The following TBXAS1 variants were observed in gnomAD, a reference collection of about 807,000 sequenced individuals.
TBXAS1 encodes the protein thromboxane A synthase 1, also known as thromboxane-A synthase.
In TBXAS1, 48 loss-of-function variants were observed where a neutral mutation model predicts 60.7. The ratio of observed to expected loss-of-function variants is 0.79; its 90% confidence interval spans 0.63 to 1.01. The LOEUF (loss-of-function observed/expected upper bound fraction) is 1.01, where lower values mean the gene tolerates loss of function less well. TBXAS1 is among the 50% of genes least tolerant of loss of function. The probability of loss-of-function intolerance (pLI) is 0.00; values close to 1 mark genes in which losing one functional copy is unlikely to be tolerated. For missense variants in TBXAS1, 685 were observed against 686.3 expected, an observed-to-expected ratio of 1.00 and a Z score of 0.02; for synonymous variants, 287 against 269.7, an observed-to-expected ratio of 1.06 and a Z score of -0.63.
At chr7:139,905,583 C>T (rs191329351) in intron 3 of TBXAS1, among the ~76,000 whole-genome samples, 38 of 152,196 alleles carry the variant, frequency 2.5e-4, no homozygotes, top group African/African-American at 7.7e-4. Context: ...TTTTCTTTTT[C>T]GGTTGCATCC....
intron 10 of TBXAS1, among the ~76,000 whole-genome samples, 159 bp downstream of exon 10, chr7:140,007,341 T>C (rs1466854357): frequency 1.3e-5 from 2 of 152,112 alleles, no homozygotes; most frequent in Non-Finnish European, 1.5e-5. Flanking sequence ...GCACCTCAGA[T>C]ATCTGGCCCG....
intron 9 of TBXAS1, among the ~76,000 whole-genome samples, chr7:139,966,176 C>G (rs992319249): frequency 6.6e-6 from 1 of 152,142 alleles, no homozygotes; most frequent in Non-Finnish European, 1.5e-5. Flanking sequence ...CATTAGATGG[C>G]CTTCCCTTGT....
At chr7:139,882,953 T>A (rs1203191392) in intron 3 of TBXAS1, among the ~76,000 whole-genome samples, 1 of 152,212 alleles carries the variant, frequency 6.6e-6, no homozygotes, top group Non-Finnish European at 1.5e-5. Context: ...TAAGAGCACC[T>A]TTTTTAAATG....
intron 2 of TBXAS1, 107 bp from the exon 3 acceptor site, chr7:139,875,478 T>G (rs531230216): frequency 3.3e-6 from 3 of 921,688 alleles, no homozygotes; most frequent in East Asian, 4.9e-5. Flanking sequence ...TCTTTTTTAT[T>G]GTTTCTGTAA....
intron 10 of TBXAS1, among the ~76,000 whole-genome samples, chr7:140,011,270 C>T (rs930781106): frequency 9.9e-6 from 1 of 101,378 alleles, no homozygotes; most frequent in African/African-American, 3.9e-5. Context: ...GAGCGAGACT[C>T]TGTCTCAAAA....
At chr7:139,828,234 G>A (rs2116467882), upstream of TBXAS1, among the ~76,000 whole-genome samples, 1 of 152,140 alleles carries the variant, frequency 6.6e-6, no homozygotes, top group South Asian at 2.1e-4. Context: ...CCTTGTCTTT[G>A]AGCTCTGATT....
At chr7:139,980,121 C>T (rs900997961) in intron 9 of TBXAS1, among the ~76,000 whole-genome samples, 1 of 152,158 alleles carries the variant, frequency 6.6e-6, no homozygotes, top group African/African-American at 2.4e-5. Flanking sequence ...CTGTGCGGGT[C>T]CTCAGACTCC....
chr7:139,959,973 C>A (rs1489184981), intron 8 of TBXAS1, among the ~76,000 whole-genome samples: 2 of 152,114 alleles, frequency 1.3e-5, no homozygotes, highest in Non-Finnish European at 2.9e-5. Flanking sequence ...GCCCATTGAC[C>A]GAGCAGCAGG....
chr7:140,012,618 T>C (rs2158731), intron 10 of TBXAS1, among the ~76,000 whole-genome samples: 60,039 of 151,834 alleles, frequency 0.4, 12,982 homozygotes, highest in East Asian at 0.56. Flanking sequence ...GACACCATGC[T>C]TGGCTAATTT....
chr7:139,979,091 G>A (rs1811778276), intron 9 of TBXAS1, among the ~76,000 whole-genome samples: 1 of 152,210 alleles, frequency 6.6e-6, no homozygotes, highest in Admixed American at 6.5e-5. Context: ...GGGAATGACT[G>A]CAAGGTCTGA....
At chr7:140,009,787 C>T (rs973287246) in intron 10 of TBXAS1, among the ~76,000 whole-genome samples, 14 of 133,452 alleles carry the variant, frequency 1.0e-4, no homozygotes, top group Admixed American at 7.4e-5. Context: ...ACCCGCTCCA[C>T]ACCTGCCCCA....
intron 9 of TBXAS1, among the ~76,000 whole-genome samples, chr7:139,984,946 A>AAAGAAG (rs1554503473): frequency 7.1e-6 from 1 of 141,774 alleles, no homozygotes; most frequent in Non-Finnish European, 1.5e-5. Context: ...GAAAGAAAAG[A>AAAGAAG]AAAGAAAGAA....
At chr7:139,785,169 G>T (rs1274139505) in intron 3 of TBXAS1, among the ~76,000 whole-genome samples, 2 of 152,180 alleles carry the variant, frequency 1.3e-5, no homozygotes, top group African/African-American at 4.8e-5. Flanking sequence ...AGAAGAGAGA[G>T]ACCTGATCAT....
chr7:139,802,801 A>C (rs1585527465), intron 4 of TBXAS1, among the ~76,000 whole-genome samples: 4 of 151,850 alleles, frequency 2.6e-5, no homozygotes, highest in Non-Finnish European at 5.9e-5. Context: ...AAGAAGAAGA[A>C]GAAGAGGAAG....
rs7791455 is a variant in TBXAS1, at chr7:140,016,111, G to A, written c.1364+251G>A. Among the ~76,000 whole-genome samples, 87,319 of 151,734 alleles carry A rather than the reference G, an allele frequency of 0.58. 27,624 individuals carry two copies. Among genetic ancestry groups the A allele is most frequent in the African/African-American group, 0.84 (34,904 of 41,334 alleles). On this transcript the variant is annotated intron_variant, in intron 11 of 12. Transcript: ENST00000448866. The stretch of plus-strand genomic sequence containing the variant: ...TGGGAGGCCAAGGTGGGCAGATCAC[G>A]AGGTCAGGAGATCGAGACCATCCTG...
intron 3 of TBXAS1, among the ~76,000 whole-genome samples, chr7:139,895,890 G>A (rs1281871411): frequency 6.6e-6 from 1 of 152,232 alleles, no homozygotes; most frequent in Non-Finnish European, 1.5e-5. Context: ...CCTCTCCAGG[G>A]TGGTAGGAGT....
intron 1 of TBXAS1, among the ~76,000 whole-genome samples, chr7:139,855,556 T>C (rs1198841207): frequency 6.6e-6 from 1 of 151,872 alleles, no homozygotes; most frequent in Non-Finnish European, 1.5e-5. Flanking sequence ...CAATTTGAGA[T>C]CAGAATGTCA....
At chr7:139,809,233 TGATAGATAGATA>T (rs55681043) in intron 4 of TBXAS1, among the ~76,000 whole-genome samples, 51,137 of 130,926 alleles carry the variant, frequency 0.39, 10,163 homozygotes, top group South Asian at 0.66. Flanking sequence ...GATAGATAGA[TGATAGATAGATA>T]GATAGATAGA....
intron 1 of TBXAS1, among the ~76,000 whole-genome samples, chr7:139,846,027 T>C (rs1201449963): frequency 6.6e-6 from 1 of 152,018 alleles, no homozygotes; most frequent in East Asian, 1.9e-4. Flanking sequence ...GGTTTCTCCA[T>C]GTTGCCCAGG....
Sources: allele counts gnomAD v4.1 joint callset (sites outside exome capture counted in the v4.1 genomes callset), GRCh38; gene constraint gnomAD v4.1.1; transcripts MANE v1.5; gene names NCBI Gene and HGNC (gene_info 2026-07-23, HGNC 2026-07-21).